The following TAF12 variants were observed in gnomAD, a reference collection of about 807,000 sequenced individuals.
TAF12 encodes the protein transcription initiation factor TFIID subunit 12.
Under a neutral mutation model 20.8 loss-of-function variants are expected in TAF12, and 3 were observed. The observed-to-expected ratio is 0.14, with a 90% CI of 0.07 to 0.37. TAF12 has a LOEUF of 0.37. Among genes scored for constraint, TAF12 ranks in the 10% least tolerant of loss-of-function variants. The pLI, the probability that TAF12 is intolerant of heterozygous loss-of-function variation, is 1.00. For synonymous variants in TAF12, 69 were observed against 70.2 expected, an observed-to-expected ratio of 0.98 and a Z score of 0.09; for missense variants, 131 against 197.9, an observed-to-expected ratio of 0.66 and a Z score of 2.03.
At chr1:28,608,643 T>G (rs1488763493) in intron 4 of TAF12, among the ~76,000 whole-genome samples, 1 of 149,508 alleles carries the variant, frequency 6.7e-6, no homozygotes, top group Non-Finnish European at 1.5e-5. Context: ...TGGTCCCAGC[T>G]AATCGGGAGG....
chr1:28,611,755 G>A (rs1666868494), intron 4 of TAF12, among the ~76,000 whole-genome samples: 1 of 152,228 alleles, frequency 6.6e-6, no homozygotes, highest in East Asian at 1.9e-4. Flanking sequence ...AACTGTGAGA[G>A]AAAATTTTTT....
chr1:28,646,644 C>T (rs913407985), upstream of TAF12, among the ~76,000 whole-genome samples: 1 of 151,880 alleles, frequency 6.6e-6, no homozygotes, highest in Non-Finnish European at 1.5e-5. Flanking sequence ...GATTCTCCTG[C>T]CTCAGCTCCC....
intron 1 of TAF12, among the ~76,000 whole-genome samples, chr1:28,640,780 C>T (rs1285678826): frequency 6.6e-6 from 1 of 152,096 alleles, no homozygotes; most frequent in Non-Finnish European, 1.5e-5. Flanking sequence ...TAACACTGAG[C>T]TTTATTTAAA....
intron 1 of TAF12, among the ~76,000 whole-genome samples, chr1:28,639,130 A>G (rs998132864): frequency 3.3e-5 from 5 of 151,314 alleles, no homozygotes; most frequent in Admixed American, 1.3e-4. Flanking sequence ...GCTGGAGTGC[A>G]GTGGTGTGAT....
chr1:28,604,758 CTTAAG>C (rs778968312), intron 5 of TAF12, among the ~76,000 whole-genome samples: 24 of 152,182 alleles, frequency 1.6e-4, no homozygotes, highest in Non-Finnish European at 2.5e-4. Context: ...AGAGTAGCCA[CTTAAG>C]TTAAGACAGA....
intron 1 of TAF12, among the ~76,000 whole-genome samples, chr1:28,623,484 A>C (rs1667286283): frequency 9.1e-6 from 1 of 110,298 alleles, no homozygotes; most frequent in South Asian, 2.5e-4. Context: ...TCAAATAATA[A>C]TAAAAATAAA....
At chr1:28,613,200 G>T (rs768302709) in intron 4 of TAF12, 47 bp downstream of exon 4, 31 of 1,513,826 alleles carry the variant, frequency 2.0e-5, no homozygotes, top group Non-Finnish European at 2.8e-5. Flanking sequence ...TGGCAGTCCT[G>T]AAGAAGCAGT....
intron 4 of TAF12, among the ~76,000 whole-genome samples, chr1:28,606,436 G>A (rs1666670166): frequency 6.6e-6 from 1 of 151,956 alleles, no homozygotes; most frequent in Non-Finnish European, 1.5e-5. Context: ...ACTGCGCCTG[G>A]CTGTATATTT....
upstream of TAF12, among the ~76,000 whole-genome samples, chr1:28,646,758 G>A (rs1346264622): frequency 1.4e-5 from 2 of 147,828 alleles, no homozygotes; most frequent in African/African-American, 5.0e-5. Context: ...GAGTGCAGTG[G>A]TGCAATCTCG....
chr1:28,638,481 G>A (rs568572813), intron 1 of TAF12, among the ~76,000 whole-genome samples: 50 of 121,064 alleles, frequency 4.1e-4, no homozygotes, highest in Middle Eastern at 8.6e-3. Flanking sequence ...AAGCCACCGC[G>A]CCCGGCCTAA....
chr1:28,643,075 C>G (rs1234331821), upstream of TAF12: 1 of 985,804 alleles, frequency 1.0e-6, no homozygotes, highest in Non-Finnish European at 1.2e-6. Context: ...ACTGCGCGGC[C>G]CTCCCCGACT....
At chr1:28,623,945 C>A in intron 1 of TAF12, 8 of 985,650 alleles carry the variant, frequency 8.1e-6, no homozygotes, top group Non-Finnish European at 8.4e-6. Context: ...AACTTACTTA[C>A]AGCTATCTGA....
In TAF12 at chr1:28,603,364, G is replaced by A. The variant is rs1666566655; in HGVS notation, c.*175C>T. On this transcript the variant is annotated 3_prime_UTR_variant, in exon 6 of 6. Transcript: ENST00000373824. ...AAAGGGACCGGAAGTTGGGGTAGGA[G>A]GCTTTATTCTTTTGGCAGATCCTCT... The A allele has an allele frequency of 1.6e-6, 1 of 619,016 alleles. No individual in the cohort carries two copies. The allele number at this position is 619,016 out of a possible 1,614,324, so 38.3% of individuals were successfully genotyped here. A position where few individuals can be genotyped will look rare whatever the true frequency, so the allele number is the denominator to read the frequency against.
intron 3 of TAF12, among the ~76,000 whole-genome samples, chr1:28,614,216 G>A (rs1018463362): frequency 2.0e-5 from 3 of 151,440 alleles, no homozygotes; most frequent in Non-Finnish European, 4.4e-5. Context: ...CCAGCCTGGC[G>A]ACAGAGCGAG....
chr1:28,637,164 A>G (rs529949855), intron 1 of TAF12, among the ~76,000 whole-genome samples: 1 of 152,286 alleles, frequency 6.6e-6, no homozygotes, highest in East Asian at 1.9e-4. Context: ...TGGAAAACCC[A>G]AATCAAGAGG....
chr1:28,605,255 T>G, intron 5 of TAF12, 117 bp downstream of exon 5: 1 of 999,158 alleles, frequency 1.0e-6, no homozygotes, highest in Non-Finnish European at 1.5e-6. Flanking sequence ...CTCCAGAGAG[T>G]GAAGTTTGCT....
Position 28,609,717 on chromosome 1 carries a change from C to G in TAF12, c.361+3530G>C, listed in dbSNP as rs148055241. On this transcript the variant is annotated intron_variant, in intron 4 of 5. Transcript: ENST00000373824. ...GGCCAGGCTGGTCTCGAACACCTGA[C>G]CTCAGGTGACCCGCCCACCTTGGCC... Among the ~76,000 whole-genome samples the G allele has an allele frequency of 2.1e-3, 321 of 151,536 alleles. 10 individuals carry two copies. In the East Asian group the frequency reaches 0.036, roughly 17 times the overall value.
chr1:28,615,736 G>T (rs1401289633), intron 3 of TAF12, among the ~76,000 whole-genome samples: 1 of 107,652 alleles, frequency 9.3e-6, no homozygotes, highest in Non-Finnish European at 1.8e-5. Flanking sequence ...AAATCCTCAA[G>T]ATAGGAGACT....
intron 1 of TAF12, among the ~76,000 whole-genome samples, chr1:28,625,984 CTCTT>C (rs1230309700): frequency 4.0e-5 from 6 of 150,174 alleles, no homozygotes; most frequent in Admixed American, 4.0e-4. Flanking sequence ...TCAGCCCCGT[CTCTT>C]TTTTTTTTTT....
Sources: gnomAD v4.1 joint callset for allele counts (sites outside exome capture counted in the v4.1 genomes callset) on GRCh38, gnomAD v4.1.1 for gene constraint, MANE v1.5 for transcripts, NCBI Gene and HGNC (gene_info 2026-07-23, HGNC 2026-07-21) for gene names.